The following CEP89 variants were observed in gnomAD, a reference collection of about 807,000 sequenced individuals.
CEP89 encodes the protein centrosomal protein of 89 kDa.
Under a neutral mutation model 97.6 loss-of-function variants are expected in CEP89, and 95 were observed. The ratio of observed to expected loss-of-function variants is 0.97; its 90% CI spans 0.82 to 1.15. The LOEUF is 1.15. CEP89 is among the 50% of genes most tolerant of loss of function. The pLI is 0.00. For missense variants in CEP89, 869 were observed against 947.7 expected (o/e 0.92, Z 1.09); for synonymous variants, 354 against 349.1 (o/e 1.01, Z -0.16).
intron 16 of CEP89, among the ~76,000 whole-genome samples, chr19:32,895,516 G>A (rs1038919723): frequency 6.6e-6 from 1 of 152,122 alleles, no homozygotes; most frequent in Non-Finnish European, 1.5e-5. Context: ...ACATCATACC[G>A]AGTAGGGGAA....
At chr19:32,901,222 T>A (rs749712696) in intron 15 of CEP89, 23 bp downstream of exon 15, 2 of 1,605,150 alleles carry the variant, frequency 1.2e-6, no homozygotes, top group Non-Finnish European at 1.7e-6. Flanking sequence ...TAAAAGCAAC[T>A]TAAAGGAAAA....
intron 7 of CEP89, 148 bp downstream of exon 7, chr19:32,937,483 T>C: frequency 1.4e-6 from 1 of 692,782 alleles, no homozygotes; most frequent in Non-Finnish European, 2.5e-6. Context: ...CACTACCTAG[T>C]GTTTGGACCC....
At position 32,926,270 on chromosome 19, in the gene CEP89, C is replaced by T; in HGVS notation, c.1084G>A (p.Asp362Asn). 3 of 1,607,568 alleles carry T rather than the reference C, an allele frequency of 1.9e-6. No homozygotes were observed. Among genetic ancestry groups the T allele is most frequent in the Non-Finnish European group, 2.6e-6 (3 of 1,174,336 alleles). The change falls in exon 11 of 19, where the codon GAT becomes AAT. Residue 362 changes from aspartate to asparagine, a missense_variant. By Grantham distance (23) the Asp-to-Asn change is conservative (BLOSUM62 1). Transcript: ENST00000305768. ...SKGPIPPWLL[D>N]IKYLSPLLLA... is the part of the protein sequence containing the mutation. The stretch of plus-strand genomic sequence containing the variant: ...AACAATGGTGACAGGTACTTTATAT[C>T]CAACTGAAGATAGAGAGTAAAGGAA...
At chr19:32,960,169 G>A in intron 2 of CEP89, 111 bp from the exon 3 acceptor site, 4 of 1,145,152 alleles carry the variant, frequency 3.5e-6, no homozygotes, top group Non-Finnish European at 3.8e-6. Context: ...AGTGTCGACT[G>A]AGCATTTACT....
intron 12 of CEP89, among the ~76,000 whole-genome samples, chr19:32,921,565 T>C (rs1970251192): frequency 1.3e-5 from 2 of 152,248 alleles, no homozygotes; most frequent in African/African-American, 4.8e-5. Context: ...AGGGCCTGCC[T>C]TTCTTTCCTT....
At chr19:32,926,410 C>G (rs1970359041) in intron 10 of CEP89, 137 bp from the exon 11 acceptor site, 1 of 652,216 alleles carries the variant, frequency 1.5e-6, no homozygotes, top group African/African-American at 1.8e-5. Context: ...TAACGACTCT[C>G]CCAGCTCAGG....
rs567958626 is a variant in CEP89, at chr19:32,949,987, C to A, written c.493-1619G>T. Among the ~76,000 whole-genome samples the A allele has an allele frequency of 6.5e-4, 99 of 151,474 alleles. 2 individuals carry two copies. The Middle Eastern group carries it at 0.014, about 21-fold the overall frequency. On this transcript the variant is annotated intron_variant, in intron 4 of 18. Coordinates refer to ENST00000305768, the MANE Select transcript of CEP89 (RefSeq NM_032816.5). The stretch of plus-strand genomic sequence containing the variant: ...CAAACAGGTCTCCCAAGATACTCAT[C>A]ATTTGAAGAAAGAAAAAGTAAATGG...
chr19:32,888,532 C>T (rs530564232), intron 16 of CEP89, among the ~76,000 whole-genome samples: 6 of 152,044 alleles, frequency 3.9e-5, no homozygotes, highest in Admixed American at 6.5e-5. Context: ...TTAAAAAGAT[C>T]TCAGGCCAGG....
chr19:32,881,731 A>T (rs1040274686), intron 18 of CEP89, 113 bp downstream of exon 18: 34 of 1,029,874 alleles, frequency 3.3e-5, no homozygotes, highest in Admixed American at 1.1e-4. Context: ...AGTAAAATGT[A>T]GAAACAAAAT....
At chr19:32,916,242 C>T (rs1201836677) in intron 13 of CEP89, among the ~76,000 whole-genome samples, 1 of 152,190 alleles carries the variant, frequency 6.6e-6, no homozygotes, top group Non-Finnish European at 1.5e-5. Context: ...TGGGCCACTG[C>T]ACTCCAGCCT....
At chr19:32,959,164 A>G (rs1971113658) in intron 3 of CEP89, among the ~76,000 whole-genome samples, 1 of 151,654 alleles carries the variant, frequency 6.6e-6, no homozygotes, top group African/African-American at 2.4e-5. Flanking sequence ...CAACCCTCTA[A>G]ACAGGACACC....
intron 5 of CEP89, among the ~76,000 whole-genome samples, chr19:32,941,013 G>A (rs535229983): frequency 6.6e-6 from 1 of 151,888 alleles, no homozygotes; most frequent in East Asian, 1.9e-4. Flanking sequence ...CACCTGCCTC[G>A]GCCTCCCAAG....
chr19:32,887,391 A>T (rs1021622555), intron 17 of CEP89, among the ~76,000 whole-genome samples: 1 of 151,634 alleles, frequency 6.6e-6, no homozygotes, highest in African/African-American at 2.4e-5. Flanking sequence ...CTAACTTTTT[A>T]AATTTTTTGT....
In CEP89 at chr19:32,886,573, C is replaced by T. The variant is rs928639536; in HGVS notation, c.1965+1179G>A. Reference sequence around the variant, plus strand: ...TCAAGCCTTTTCTCTTCATTCCCCCCGAGGCCCTGGCCTGTCTACCTTGGG... The same window carrying T: ...TCAAGCCTTTTCTCTTCATTCCCCCTGAGGCCCTGGCCTGTCTACCTTGGG... On this transcript the variant is annotated intron_variant, in intron 17 of 18. Transcript: ENST00000305768. Among the ~76,000 whole-genome samples the T allele has an allele frequency of 3.9e-5, 6 of 152,188 alleles. No individual in the cohort carries two copies. The East Asian group carries it at 5.8e-4, about 15-fold the overall frequency.
chr19:32,936,858 T>C lies in CEP89; in HGVS notation c.667+773A>G, dbSNP rs1211427510. 6.6e-6 allele frequency among the ~76,000 whole-genome samples: 1 copy of C among 151,928 alleles called. No individual in the cohort carries two copies. The highest frequency in any genetic ancestry group is 2.4e-5 in the African/African-American group (1 of 41,374). On this transcript the variant is annotated intron_variant, in intron 7 of 18. Coordinates refer to ENST00000305768, the MANE Select transcript of CEP89 (RefSeq NM_032816.5). The surrounding 1 kb of genome is among the most constrained non-coding windows in gnomAD (Gnocchi z 4.5). ...GTGACCTGCCTTCAGAGAGGAGCCA[T>C]CGACTCCAGGGGACCTCCTCTCTGC...
At chr19:32,927,136 C>G in intron 9 of CEP89, 152 bp from the exon 10 acceptor site, 1 of 493,856 alleles carries the variant, frequency 2.0e-6, no homozygotes, top group East Asian at 3.4e-5. Flanking sequence ...ACCTACCCAT[C>G]CATCCATCCA....
intron 2 of CEP89, among the ~76,000 whole-genome samples, chr19:32,960,703 A>G (rs897330002): frequency 6.6e-6 from 1 of 151,972 alleles, no homozygotes; most frequent in African/African-American, 2.4e-5. Flanking sequence ...CCAGCTACTC[A>G]GGAGACTGAG....
In CEP89 at chr19:32,879,116, A is replaced by G; in HGVS notation, c.*46T>C. On this transcript the variant is annotated 3_prime_UTR_variant, in exon 19 of 19. Coordinates refer to ENST00000305768, the MANE Select transcript of CEP89 (RefSeq NM_032816.5). ...CCTGCAGGGAAGGCCTGTGTGAGGCAGACCTTTCAGGCCAGAGGAGGCTAC... is the reference window on the plus strand; with the variant it reads ...CCTGCAGGGAAGGCCTGTGTGAGGCGGACCTTTCAGGCCAGAGGAGGCTAC... 2.7e-6 allele frequency: 4 copies of G among 1,497,438 alleles called. No individual in the cohort carries two copies. Among genetic ancestry groups the G allele is most frequent in the Non-Finnish European group, 3.6e-6 (4 of 1,101,778 alleles). 92.8% of individuals were successfully genotyped at this position (1,497,438 alleles called of 1,614,324 possible). A position where few individuals can be genotyped will look rare whatever the true frequency, so the allele number is the denominator to read the frequency against.
At chr19:32,957,574 T>C in intron 3 of CEP89, among the ~76,000 whole-genome samples, 1 of 151,716 alleles carries the variant, frequency 6.6e-6, no homozygotes, top group Non-Finnish European at 1.5e-5. Flanking sequence ...CTTTGGGAGG[T>C]CAAGGTGGGC....
Sources: allele counts gnomAD v4.1 joint callset (sites outside exome capture counted in the v4.1 genomes callset), GRCh38; gene constraint gnomAD v4.1.1; non-coding constraint Gnocchi (gnomAD v3.1); transcripts MANE v1.5; gene names NCBI Gene and HGNC (gene_info 2026-07-23, HGNC 2026-07-21).